Variants in PDGFC observed in about 807,000 individuals in gnomAD.
PDGFC encodes platelet-derived growth factor C.
In PDGFC, 12 loss-of-function variants were observed where a neutral mutation model predicts 35.5. The ratio of observed to expected loss-of-function variants is 0.34; its 90% confidence interval spans 0.22 to 0.55. PDGFC has a LOEUF of 0.55. Ranked by LOEUF, PDGFC falls within the 20% of genes least tolerant of loss-of-function variation. PDGFC has a pLI of 0.91. For synonymous variants in PDGFC, 159 were observed against 148.8 expected (o/e 1.07, Z -0.50); for missense variants, 322 against 412.4 (o/e 0.78, Z 1.90).
chr4:156,822,112 C>T (rs1351829217), intron 2 of PDGFC, among the ~76,000 whole-genome samples: 1 of 152,010 alleles, frequency 6.6e-6, no homozygotes, highest in African/African-American at 2.4e-5. Context: ...GTAATCCCAG[C>T]AGTTTGGGAG....
intron 1 of PDGFC, among the ~76,000 whole-genome samples, chr4:156,921,714 A>G (rs2110843127): frequency 6.6e-6 from 1 of 152,232 alleles, no homozygotes; most frequent in East Asian, 1.9e-4. Flanking sequence ...GAGTCTTTTG[A>G]GTTCATCTAG....
chr4:156,950,182 T>C (rs751458856), intron 1 of PDGFC, among the ~76,000 whole-genome samples: 3 of 151,928 alleles, frequency 2.0e-5, no homozygotes, highest in Admixed American at 2.0e-4. Context: ...TCTCCAGTTA[T>C]CTGCCGAAAA....
chr4:156,784,900 T>C (rs893424161), intron 3 of PDGFC, among the ~76,000 whole-genome samples: 1 of 152,210 alleles, frequency 6.6e-6, no homozygotes, highest in African/African-American at 2.4e-5. Flanking sequence ...AAGGAAATAA[T>C]CAGAAGTATA....
intron 1 of PDGFC, among the ~76,000 whole-genome samples, chr4:156,966,883 T>G (rs974309185): frequency 1.3e-5 from 2 of 152,230 alleles, no homozygotes; most frequent in Non-Finnish European, 2.9e-5. Context: ...TGATTAAAAT[T>G]GATATGGAAG....
intron 1 of PDGFC, among the ~76,000 whole-genome samples, chr4:156,966,478 G>A (rs1268403851): frequency 6.6e-6 from 1 of 151,044 alleles, no homozygotes; most frequent in Non-Finnish European, 1.5e-5. Context: ...ATTTATGAAT[G>A]TCTTAATTTG....
intron 1 of PDGFC, among the ~76,000 whole-genome samples, chr4:156,900,410 G>A (rs889578840): frequency 8.5e-5 from 13 of 152,124 alleles, no homozygotes; most frequent in African/African-American, 2.9e-4. Flanking sequence ...TCATTTAAAC[G>A]AAGGAATGGG....
At chr4:156,803,314 C>T (rs939995574) in intron 3 of PDGFC, among the ~76,000 whole-genome samples, 8 of 151,940 alleles carry the variant, frequency 5.3e-5, no homozygotes, top group Admixed American at 1.3e-4. Context: ...AGAACAGAAA[C>T]GGAAATGTAG....
intron 1 of PDGFC, among the ~76,000 whole-genome samples, chr4:156,935,154 C>T (rs571433712): frequency 1.5e-4 from 23 of 152,150 alleles, no homozygotes; most frequent in Middle Eastern, 3.4e-3. Context: ...TGCACCACCA[C>T]GCCCAACTAA....
At chr4:156,954,165 C>T (rs1029520918) in intron 1 of PDGFC, among the ~76,000 whole-genome samples, 9 of 151,820 alleles carry the variant, frequency 5.9e-5, no homozygotes, top group Admixed American at 1.3e-4. Context: ...ATTGGCATAC[C>T]GAACATGTGC....
chr4:156,813,037 T>C (rs1731982629), intron 2 of PDGFC, among the ~76,000 whole-genome samples: 1 of 152,038 alleles, frequency 6.6e-6, no homozygotes. Flanking sequence ...GGAGTTTTAG[T>C]GTATGTGTGT....
intron 1 of PDGFC, among the ~76,000 whole-genome samples, chr4:156,915,161 A>T (rs938245381): frequency 1.3e-5 from 2 of 152,226 alleles, no homozygotes; most frequent in Non-Finnish European, 2.9e-5. Context: ...CTAGCATTAA[A>T]TGAATCCCCA....
At chr4:156,902,463 T>C (rs926860340) in intron 1 of PDGFC, among the ~76,000 whole-genome samples, 1 of 152,206 alleles carries the variant, frequency 6.6e-6, no homozygotes, top group African/African-American at 2.4e-5. Context: ...ATGTATTGCA[T>C]GTTTTTATGT....
chr4:156,963,541 TAA>T (rs991255181), intron 1 of PDGFC, among the ~76,000 whole-genome samples: 3 of 149,270 alleles, frequency 2.0e-5, no homozygotes, highest in Non-Finnish European at 3.0e-5. Flanking sequence ...AGTCTGAAAA[TAA>T]AAGAGGAATT....
chr4:156,837,523 T>C (rs1255099615), intron 2 of PDGFC, among the ~76,000 whole-genome samples: 1 of 152,148 alleles, frequency 6.6e-6, no homozygotes, highest in Admixed American at 6.5e-5. Context: ...ATTTAAGCCA[T>C]TGTGCCAACT....
chr4:156,861,357 A>C, intron 1 of PDGFC: 1 of 503,270 alleles, frequency 2.0e-6, no homozygotes, highest in Non-Finnish European at 3.4e-6. Flanking sequence ...GCTTAATTAC[A>C]TGAAAGTACA....
chr4:156,890,201 A>C (rs1230732415), intron 1 of PDGFC, among the ~76,000 whole-genome samples: 1 of 152,022 alleles, frequency 6.6e-6, no homozygotes, highest in Non-Finnish European at 1.5e-5. Context: ...GTGGCATAGA[A>C]AAGCAGCCAG....
chr4:156,897,314 CAG>C (rs528313377), intron 1 of PDGFC, among the ~76,000 whole-genome samples: 1 of 148,760 alleles, frequency 6.7e-6, no homozygotes, highest in Admixed American at 6.8e-5. Flanking sequence ...CACAGGCAGA[CAG>C]AGAGAGAGAA....
chr4:156,905,405 C>A (rs977117180), intron 1 of PDGFC, among the ~76,000 whole-genome samples: 3 of 151,922 alleles, frequency 2.0e-5, no homozygotes, highest in Non-Finnish European at 4.4e-5. Context: ...AATTTATAAT[C>A]ATTTATGTTT....
intron 3 of PDGFC, 24 bp from the exon 4 acceptor site, chr4:156,772,917 T>G (rs1560805242): frequency 1.3e-6 from 2 of 1,529,538 alleles, no homozygotes; most frequent in Non-Finnish European, 1.8e-6. Flanking sequence ...GAATCCTGTG[T>G]TAACTGTTTT....
Sources: gnomAD v4.1 joint callset for allele counts (sites outside exome capture counted in the v4.1 genomes callset) on GRCh38, gnomAD v4.1.1 for gene constraint, MANE v1.5 for transcripts, NCBI Gene and HGNC (gene_info 2026-07-23, HGNC 2026-07-21) for gene names.